The following PDCD1LG2 variants were observed in gnomAD, a reference collection of about 807,000 sequenced individuals.
PDCD1LG2 encodes the protein programmed cell death 1 ligand 2, also known as B7 dendritic cell molecule.
PDCD1LG2 carries 32 observed loss-of-function variants against 28.2 expected under a neutral mutation model. That is an observed-to-expected ratio of 1.13 (90% CI 0.86 to 1.52). The LOEUF is 1.52. Among genes scored for constraint, PDCD1LG2 ranks in the 40% most tolerant of loss-of-function variants. The pLI, the probability that PDCD1LG2 is intolerant of heterozygous loss-of-function variation, is 0.00. For synonymous variants in PDCD1LG2, 116 were observed against 120.2 expected (o/e 0.97, Z 0.23); for missense variants, 385 against 323.8 (o/e 1.19, Z -1.45).
intron 3 of PDCD1LG2, among the ~76,000 whole-genome samples, chr9:5,540,427 G>A (rs1218021899): frequency 6.6e-6 from 1 of 151,828 alleles, no homozygotes; most frequent in Non-Finnish European, 1.5e-5. Flanking sequence ...AAATACAAAA[G>A]AGAAATGAAA....
At chr9:5,551,560 C>T (rs926092701) in intron 4 of PDCD1LG2, among the ~76,000 whole-genome samples, 5 of 152,230 alleles carry the variant, frequency 3.3e-5, no homozygotes, top group African/African-American at 9.6e-5. Context: ...ATCTGCTTCA[C>T]GCCCATTGGT....
rs531146068 is a variant in PDCD1LG2, at chr9:5,554,792, G to A, written c.632-2826G>A. ...AGACCTGGAGGTGATTCCAGGCAGT[G>A]GTTGAGAGCATGGGCTCTGATGTCA... is the stretch of plus-strand genomic sequence containing the variant. On this transcript the variant is annotated intron_variant, in intron 4 of 6. Coordinates refer to ENST00000397747, the MANE Select transcript of PDCD1LG2 (RefSeq NM_025239.4). Among the ~76,000 whole-genome samples the A allele has an allele frequency of 1.2e-4, 19 of 152,326 alleles. No individual in the cohort carries two copies. The South Asian group carries it at 3.7e-3, about 30-fold the overall frequency.
chr9:5,541,253 A>T (rs1164042406), intron 3 of PDCD1LG2, among the ~76,000 whole-genome samples: 1 of 152,246 alleles, frequency 6.6e-6, no homozygotes, highest in African/African-American at 2.4e-5. Context: ...CACAGCCAAC[A>T]TTATGCTGAA....
chr9:5,539,070 T>G (rs1161701970), intron 3 of PDCD1LG2, among the ~76,000 whole-genome samples: 1 of 152,242 alleles, frequency 6.6e-6, no homozygotes, highest in Non-Finnish European at 1.5e-5. Context: ...ATATAAAAGA[T>G]AACTTCTTTT....
intron 4 of PDCD1LG2, among the ~76,000 whole-genome samples, chr9:5,550,550 G>C (rs546159842): frequency 2.0e-5 from 3 of 152,306 alleles, no homozygotes; most frequent in African/African-American, 7.2e-5. Context: ...CAGGATTGCA[G>C]AGGCCCTAAG....
At chr9:5,564,465 C>T (rs914754599) in intron 6 of PDCD1LG2, among the ~76,000 whole-genome samples, 1 of 152,116 alleles carries the variant, frequency 6.6e-6, no homozygotes, top group African/African-American at 2.4e-5. Context: ...GAAATGATGC[C>T]TTGGTACAAT....
At chr9:5,512,917 T>C (rs777946180) in intron 1 of PDCD1LG2, among the ~76,000 whole-genome samples, 1 of 152,198 alleles carries the variant, frequency 6.6e-6, no homozygotes. Context: ...CAGCAGTCAA[T>C]TGTTTTGTCA....
At chr9:5,547,378 C>T (rs1318576436) in intron 3 of PDCD1LG2, among the ~76,000 whole-genome samples, 1 of 152,172 alleles carries the variant, frequency 6.6e-6, no homozygotes, top group African/African-American at 2.4e-5. Flanking sequence ...CTTCCTCTCA[C>T]CAAATATCAA....
chr9:5,522,742 A>C, intron 2 of PDCD1LG2, 141 bp downstream of exon 2: 2 of 260,008 alleles, frequency 7.7e-6, no homozygotes, highest in Non-Finnish European at 1.3e-5. Flanking sequence ...CAAGCACCAC[A>C]AAAAAAAAAA....
intron 3 of PDCD1LG2, among the ~76,000 whole-genome samples, chr9:5,541,988 T>C (rs1820696279): frequency 6.6e-6 from 1 of 152,092 alleles, no homozygotes; most frequent in Non-Finnish European, 1.5e-5. Flanking sequence ...AATAGGCACA[T>C]AGACCAATGG....
At chr9:5,529,195 G>A (rs1820436236) in intron 2 of PDCD1LG2, among the ~76,000 whole-genome samples, 1 of 152,140 alleles carries the variant, frequency 6.6e-6, no homozygotes, top group Non-Finnish European at 1.5e-5. Context: ...TATGGATCAT[G>A]CTTTTGGTAT....
At chr9:5,533,831 T>C (rs10435814) in intron 2 of PDCD1LG2, among the ~76,000 whole-genome samples, 25,760 of 151,534 alleles carry the variant, frequency 0.17, 2,868 homozygotes, top group Middle Eastern at 0.3. Context: ...TCCTCAACTA[T>C]ATAACCATAA....
chr9:5,565,431 G>T (rs1201152976), intron 6 of PDCD1LG2, among the ~76,000 whole-genome samples: 1 of 152,124 alleles, frequency 6.6e-6, no homozygotes, highest in Non-Finnish European at 1.5e-5. Context: ...CAATCCTCCT[G>T]CCTTGGCCTC....
chr9:5,514,772 G>GAAAAAAAAA (rs60002651), intron 1 of PDCD1LG2, among the ~76,000 whole-genome samples: 48 of 62,330 alleles, frequency 7.7e-4, no homozygotes, highest in African/African-American at 1.9e-3. Context: ...AGTCTCTAAA[G>GAAAAAAAAA]AAAAAAAAAA....
At chr9:5,522,300 A>C (rs1586793877) in intron 1 of PDCD1LG2, among the ~76,000 whole-genome samples, 1 of 152,212 alleles carries the variant, frequency 6.6e-6, no homozygotes, top group Non-Finnish European at 1.5e-5. Flanking sequence ...CGGCCATTAG[A>C]AAAGGAAGAA....
At chr9:5,518,496 G>C (rs1388532626) in intron 1 of PDCD1LG2, among the ~76,000 whole-genome samples, 1 of 152,248 alleles carries the variant, frequency 6.6e-6, no homozygotes, top group African/African-American at 2.4e-5. Context: ...TGCCAGGCCT[G>C]TTGGTGCAGC....
At chr9:5,548,478 T>C (rs1816256908) in intron 3 of PDCD1LG2, among the ~76,000 whole-genome samples, 1 of 152,254 alleles carries the variant, frequency 6.6e-6, no homozygotes, top group African/African-American at 2.4e-5. Context: ...CAGATATCTC[T>C]TCAACATACT....
At chr9:5,530,564 A>C (rs1820462629) in intron 2 of PDCD1LG2, among the ~76,000 whole-genome samples, 1 of 152,190 alleles carries the variant, frequency 6.6e-6, no homozygotes, top group African/African-American at 2.4e-5. Context: ...CACAGAAATA[A>C]ATGTGCATTG....
rs975784823 is a variant in PDCD1LG2 at position 5,550,438 on chromosome 9, C to T, written c.631+834C>T. Among the ~76,000 whole-genome samples, 3 of 152,146 alleles carry T rather than the reference C, an allele frequency of 2.0e-5. No individual in the cohort carries two copies. In the South Asian group the frequency reaches 6.2e-4, roughly 31 times the overall value. On this transcript the variant is annotated intron_variant, in intron 4 of 6. Coordinates refer to ENST00000397747, the MANE Select transcript of PDCD1LG2 (RefSeq NM_025239.4). ...TTTCTAATGCTCTTATATCAAATTA[C>T]CACAAGCTTCACAGTTTAAGACAAC...
Sources: allele counts gnomAD v4.1 joint callset (sites outside exome capture counted in the v4.1 genomes callset), GRCh38; gene constraint gnomAD v4.1.1; transcripts MANE v1.5; gene names NCBI Gene and HGNC (gene_info 2026-07-23, HGNC 2026-07-21).